Variants in CSMD3 observed in about 807,000 individuals in gnomAD.
CSMD3 encodes CUB and sushi domain-containing protein 3.
Under a neutral mutation model 435.2 loss-of-function variants are expected in CSMD3, and 177 were observed. The observed-to-expected ratio is 0.41, with a 90% CI of 0.36 to 0.46. CSMD3 has a LOEUF of 0.46. Ranked by LOEUF, CSMD3 falls within the 20% of genes least tolerant of loss-of-function variation. CSMD3 has a pLI of 0.34. For missense variants in CSMD3, 4,265 were observed against 4,504.6 expected (o/e 0.95, Z 1.52); for synonymous variants, 1,656 against 1,520.5 (o/e 1.09, Z -2.07).
In CSMD3 at chr8:112,390,655, T is replaced by C; in HGVS notation, c.5934+9A>G. On this transcript the variant is annotated intron_variant, in intron 36 of 70. Coordinates refer to ENST00000297405, the MANE Select transcript of CSMD3 (RefSeq NM_198123.2). ...ACAATGAAAAGAAGAAAAACTTAAA[T>C]ATTCTTACTTGAATGCCAGCTCCCT... The C allele has an allele frequency of 6.2e-7, 1 of 1,609,616 alleles. No individual in the cohort carries two copies. The highest frequency in any genetic ancestry group is 1.1e-5 in the South Asian group (1 of 90,994).
At chr8:112,887,968 C>T (rs143512925) in intron 10 of CSMD3, among the ~76,000 whole-genome samples, 2 of 151,658 alleles carry the variant, frequency 1.3e-5, no homozygotes, top group African/African-American at 2.4e-5. Flanking sequence ...CTGCAATAAA[C>T]CACAGCAAAT....
intron 32 of CSMD3, among the ~76,000 whole-genome samples, chr8:112,430,290 A>G (rs895499749): frequency 2.0e-5 from 3 of 152,042 alleles, no homozygotes; most frequent in Non-Finnish European, 4.4e-5. Context: ...GGAAAAAAGA[A>G]AGCAGTTATT....
chr8:112,391,435 C>T (rs1376860400), intron 35 of CSMD3, among the ~76,000 whole-genome samples: 3 of 152,118 alleles, frequency 2.0e-5, no homozygotes, highest in African/African-American at 7.2e-5. Context: ...CAGTGGCTCA[C>T]GCCTGTAATC....
At chr8:113,202,295 C>T (rs571386286) in intron 3 of CSMD3, among the ~76,000 whole-genome samples, 6 of 152,198 alleles carry the variant, frequency 3.9e-5, no homozygotes, top group Non-Finnish European at 7.4e-5. Flanking sequence ...TTATAGTTCT[C>T]TAACTCTGAA....
chr8:112,503,920 A>G lies in CSMD3; in HGVS notation c.4953T>C (p.Asn1651=), dbSNP rs1466294820. ...FLYIYDGPDS[N]SPLIGSFQDS... ...CTTGAAAACTTCCAATCAGTGGGCT[A>G]TTACTGTCTGGTCCATCATAGATAT... Residue 1651 remains asparagine, a synonymous_variant, in exon 30 of 71, where the codon AAT becomes AAC. Transcript: ENST00000297405. The G allele has an allele frequency of 3.1e-6, 5 of 1,612,152 alleles. No homozygotes were observed. In the South Asian group the frequency reaches 4.4e-5, roughly 14 times the overall value.
Position 112,463,412 on chromosome 8 carries a change from A to G in CSMD3, c.5395+9179T>C, listed in dbSNP as rs149909415. Among the ~76,000 whole-genome samples, 114 of 152,240 alleles carry G rather than the reference A, an allele frequency of 7.5e-4. 1 individual carries two copies. The highest frequency in any genetic ancestry group is 3.4e-3 in the Middle Eastern group (1 of 294). The stretch of plus-strand genomic sequence containing the variant: ...AACCAACTGCAGAGTGACTACAACA[A>G]TGAATGCAATGAGGAAGATGTCTAA... On this transcript the variant is annotated intron_variant, in intron 32 of 70. Coordinates refer to ENST00000297405, the MANE Select transcript of CSMD3 (RefSeq NM_198123.2).
At position 112,289,557 on chromosome 8, in the gene CSMD3, A is replaced by C; in HGVS notation, c.8975-19T>G. ...TCAATCACTACAATACATAATTATT[A>C]AATATAAAATTTTTTTATATCTCCT... On this transcript the variant is annotated intron_variant, in intron 56 of 70. Coordinates refer to ENST00000297405, the MANE Select transcript of CSMD3 (RefSeq NM_198123.2). The C allele has an allele frequency of 6.6e-7, 1 of 1,524,066 alleles. No individual in the cohort carries two copies. The highest frequency in any genetic ancestry group is 8.9e-7 in the Non-Finnish European group (1 of 1,124,880). The allele number at this position is 1,524,066 out of a possible 1,614,324, so 94.4% of individuals were successfully genotyped here. A position where few individuals can be genotyped will look rare whatever the true frequency, so the allele number is the denominator to read the frequency against.
At chr8:112,528,472 C>A (rs540894696) in intron 27 of CSMD3, among the ~76,000 whole-genome samples, 4 of 151,974 alleles carry the variant, frequency 2.6e-5, no homozygotes, top group African/African-American at 9.7e-5. Context: ...AAAAAAAAAC[C>A]TGTTACTAAC....
chr8:112,326,325 T>C (rs1263554718), intron 45 of CSMD3, among the ~76,000 whole-genome samples: 4 of 152,164 alleles, frequency 2.6e-5, no homozygotes, highest in African/African-American at 9.7e-5. Flanking sequence ...TTTGTATTGA[T>C]AACTACATTT....
At chr8:112,394,465 C>T (rs1586977967) in intron 35 of CSMD3, among the ~76,000 whole-genome samples, 4 of 152,142 alleles carry the variant, frequency 2.6e-5, no homozygotes. Context: ...AAATTTCAAA[C>T]TCACCGTGGT....
intron 18 of CSMD3, among the ~76,000 whole-genome samples, chr8:112,655,946 T>C (rs2075246510): frequency 6.6e-6 from 1 of 152,060 alleles, no homozygotes; most frequent in Admixed American, 6.6e-5. Context: ...TAGTATTTTG[T>C]TTCATAATGA....
chr8:113,319,399 T>C (rs1257604743), intron 1 of CSMD3, among the ~76,000 whole-genome samples: 1 of 152,034 alleles, frequency 6.6e-6, no homozygotes, highest in East Asian at 1.9e-4. Flanking sequence ...ATTTTTAAAA[T>C]CAGGTTATTG....
intron 9 of CSMD3, among the ~76,000 whole-genome samples, chr8:112,926,390 C>G (rs1217521016): frequency 6.6e-6 from 1 of 151,990 alleles, no homozygotes; most frequent in Non-Finnish European, 1.5e-5. Flanking sequence ...CCTACCCAGC[C>G]AAATAAAACT....
rs532495641 is a variant in CSMD3 at position 112,292,159 on chromosome 8, A to G, written c.8788+378T>C. On this transcript the variant is annotated intron_variant, in intron 55 of 70. Coordinates refer to ENST00000297405, the MANE Select transcript of CSMD3 (RefSeq NM_198123.2). ...GTGTACTGGCAAGCCAGGCCCACAT[A>G]TAGTTTTCAGAAAAATAAAAAGAAA... 5.3e-5 allele frequency among the ~76,000 whole-genome samples: 8 copies of G among 152,270 alleles called. No homozygotes were observed. The East Asian group carries it at 1.5e-3, about 29-fold the overall frequency.
chr8:113,307,631 C>T (rs2093831832), intron 2 of CSMD3, among the ~76,000 whole-genome samples: 1 of 152,004 alleles, frequency 6.6e-6, no homozygotes. Flanking sequence ...ATGTATTTGT[C>T]AAATAAATGC....
chr8:113,322,954 C>T (rs1184120160), intron 1 of CSMD3, among the ~76,000 whole-genome samples: 1 of 152,108 alleles, frequency 6.6e-6, no homozygotes, highest in African/African-American at 2.4e-5. Flanking sequence ...CTATGCTGGC[C>T]AGGCTGGTCT....
chr8:113,039,517 C>A (rs1192863309), intron 5 of CSMD3, among the ~76,000 whole-genome samples: 1 of 152,078 alleles, frequency 6.6e-6, no homozygotes, highest in African/African-American at 2.4e-5. Context: ...TTATATAAAA[C>A]ATTAATTATG....
intron 10 of CSMD3, among the ~76,000 whole-genome samples, chr8:112,862,465 A>C (rs2080854046): frequency 1.3e-5 from 2 of 152,008 alleles, no homozygotes; most frequent in South Asian, 4.1e-4. Context: ...CACTATGAGA[A>C]TAGCACAGGA....
At chr8:113,144,112 AATT>A (rs2091615193) in intron 4 of CSMD3, among the ~76,000 whole-genome samples, 1 of 150,222 alleles carries the variant, frequency 6.7e-6, no homozygotes, top group Admixed American at 6.7e-5. Flanking sequence ...TTTATTATAT[AATT>A]ATTACTTATT....
Sources: allele counts gnomAD v4.1 joint callset (sites outside exome capture counted in the v4.1 genomes callset), GRCh38; gene constraint gnomAD v4.1.1; transcripts MANE v1.5; gene names NCBI Gene and HGNC (gene_info 2026-07-23, HGNC 2026-07-21).